The following ALS2 variants were observed in gnomAD, a reference collection of about 807,000 sequenced individuals.
ALS2 encodes alsin.
In ALS2, 117 loss-of-function variants were observed where a neutral mutation model predicts 203.4. The ratio of observed to expected loss-of-function variants is 0.58; its 90% CI spans 0.50 to 0.67. The LOEUF is 0.67. Ranked by LOEUF, ALS2 falls within the 30% of genes least tolerant of loss-of-function variation. The pLI is 0.00. For missense variants in ALS2, 1,715 were observed against 1,989.4 expected, an observed-to-expected ratio of 0.86 and a Z score of 2.62; for synonymous variants, 718 against 725.9, an observed-to-expected ratio of 0.99 and a Z score of 0.17.
chr2:201,727,559 A>G (rs574113798), intron 16 of ALS2, 146 bp downstream of exon 16: 10 of 745,766 alleles, frequency 1.3e-5, no homozygotes, highest in African/African-American at 1.2e-4. Flanking sequence ...AGACTACTTT[A>G]CTGTCTAATG....
intron 4 of ALS2, chr2:201,759,720 C>A (rs1305873512): frequency 1.0e-6 from 1 of 984,072 alleles, no homozygotes; most frequent in Admixed American, 6.2e-5. Flanking sequence ...AAGACTATTT[C>A]TAAAAATACC....
At chr2:201,738,444 C>T (rs1487389389) in intron 12 of ALS2, 18 of 542,326 alleles carry the variant, frequency 3.3e-5, no homozygotes, top group South Asian at 2.4e-4. Flanking sequence ...AGAAGGACCC[C>T]GAACCTGAGC....
In ALS2 at chr2:201,723,060, A is replaced by C; in HGVS notation, c.3685T>G (p.Trp1229Gly). Residue 1229 changes from tryptophan to glycine, a missense_variant, in exon 23 of 34, where the codon TGG becomes GGG. Coordinates refer to ENST00000264276, the MANE Select transcript of ALS2 (RefSeq NM_020919.4). ...TTTCCAACCTTTCCACTAAGAGTCCAGTCATCTGAAAATTCTCCTTCATAG... is the reference window on the plus strand; with the variant it reads ...TTTCCAACCTTTCCACTAAGAGTCCCGTCATCTGAAAATTCTCCTTCATAG... ...TIYEGEFSDD[W>G]TLSGKGTLTM... 1.2e-6 allele frequency: 2 copies of C among 1,612,508 alleles called. No individual in the cohort carries two copies. The highest frequency in any genetic ancestry group is 2.2e-5 in the South Asian group (2 of 90,824).
At chr2:201,759,615 G>A (rs1162359416) in intron 4 of ALS2, 1 of 984,504 alleles carries the variant, frequency 1.0e-6, no homozygotes, top group Non-Finnish European at 1.2e-6. Flanking sequence ...CTTTTGCTTT[G>A]TTCAGACTTT....
intron 20 of ALS2, among the ~76,000 whole-genome samples, chr2:201,724,782 T>G (rs1691043915): frequency 6.6e-6 from 1 of 152,166 alleles, no homozygotes; most frequent in Non-Finnish European, 1.5e-5. Context: ...TTATTATAGA[T>G]AAGACCATTT....
intron 3 of ALS2, among the ~76,000 whole-genome samples, chr2:201,762,066 T>C (rs769093723): frequency 6.6e-6 from 1 of 152,192 alleles, no homozygotes; most frequent in Non-Finnish European, 1.5e-5. Flanking sequence ...GGCTAATCCT[T>C]TCCTTCAGCC....
At chr2:201,725,152 T>C (rs1691078561) in intron 20 of ALS2, among the ~76,000 whole-genome samples, 1 of 151,802 alleles carries the variant, frequency 6.6e-6, no homozygotes, top group African/African-American at 2.4e-5. Flanking sequence ...CTAAATTTAA[T>C]AATCCAGTAT....
Position 201,726,492 on chromosome 2 carries a change from C to G in ALS2, c.3240G>C (p.Leu1080Phe). 6.2e-7 allele frequency: 1 copy of G among 1,613,978 alleles called. No homozygotes were observed. The highest frequency in any genetic ancestry group is 2.2e-5 in the East Asian group (1 of 44,884). The change falls in exon 19 of 34, where the codon TTG becomes TTC. Residue 1080 changes from leucine (L) to phenylalanine (F), a missense_variant. By Grantham distance (22) the Leu-to-Phe change is conservative. This residue lies in a region of ALS2 where 1,227 missense variants were observed against 1,413.5 expected (regional missense o/e 0.87). Coordinates refer to ENST00000264276, the MANE Select transcript of ALS2 (RefSeq NM_020919.4). ...KMYSGMFRNG[L>F]EDGYGEYRIP... ...TTACACAATTTTCTTACCCATCTTC[C>G]AAGCCATTCCTGAACATGCCAGAAT... is the stretch of plus-strand genomic sequence containing the variant.
chr2:201,730,614 C>T (rs1169552831), intron 13 of ALS2, among the ~76,000 whole-genome samples: 2 of 151,700 alleles, frequency 1.3e-5, no homozygotes, highest in Non-Finnish European at 2.9e-5. Context: ...GTTTATCTGT[C>T]AATTGTCCTT....
chr2:201,731,060 G>A (rs572664023), intron 13 of ALS2, among the ~76,000 whole-genome samples: 2 of 152,340 alleles, frequency 1.3e-5, no homozygotes, highest in East Asian at 1.9e-4. Flanking sequence ...TGGGATGGGT[G>A]TAACCGCTAC....
chr2:201,748,694 C>T (rs76520669), intron 8 of ALS2, among the ~76,000 whole-genome samples: 3,018 of 152,244 alleles, frequency 0.02, 40 homozygotes, highest in Non-Finnish European at 0.028. Flanking sequence ...CTTACTACTA[C>T]GATGTTTTAT....
chr2:201,705,045 T>C (rs1689618558), intron 31 of ALS2, 94 bp downstream of exon 31: 1 of 1,273,738 alleles, frequency 7.9e-7, no homozygotes, highest in Non-Finnish European at 1.1e-6. Context: ...TGGGGATGCT[T>C]AAGGCTTAGG....
intron 25 of ALS2, among the ~76,000 whole-genome samples, chr2:201,713,666 T>G (rs1427242908): frequency 6.6e-6 from 1 of 152,222 alleles, no homozygotes; most frequent in African/African-American, 2.4e-5. Context: ...ATTTGGCTCT[T>G]CTTTATATCT....
At chr2:201,757,014 C>G (rs574906319) in intron 5 of ALS2, among the ~76,000 whole-genome samples, 1 of 152,288 alleles carries the variant, frequency 6.6e-6, no homozygotes, top group East Asian at 1.9e-4. Context: ...ATTTTCTCTT[C>G]TTGAAGCTTA....
In ALS2 at chr2:201,753,038, G is replaced by A. The variant is rs557584206; in HGVS notation, c.1737+108C>T. 197 of 898,856 alleles carry A rather than the reference G, an allele frequency of 2.2e-4. 2 individuals carry two copies. The highest frequency in any genetic ancestry group is 2.0e-3 in the South Asian group (153 of 76,760). 55.7% of individuals were successfully genotyped at this position (898,856 alleles called of 1,614,324 possible). A position where few individuals can be genotyped will look rare whatever the true frequency, so the allele number is the denominator to read the frequency against. On this transcript the variant is annotated intron_variant, in intron 7 of 33. Transcript: ENST00000264276. ...ATATTGGAAAGCTAAAATGAGATAC[G>A]GTTATCATTGCCTGACATATAGCAG...
chr2:201,737,581 AATGAG>A (rs1691959570), intron 12 of ALS2, among the ~76,000 whole-genome samples: 3 of 152,224 alleles, frequency 2.0e-5, no homozygotes, highest in South Asian at 2.1e-4. Flanking sequence ...TAAAACTAGA[AATGAG>A]ATGAGAATGT....
intron 4 of ALS2, chr2:201,760,196 AG>A (rs1477022739): frequency 7.4e-5 from 43 of 584,702 alleles, no homozygotes; most frequent in Non-Finnish European, 9.0e-5. Context: ...GTATAGTCCC[AG>A]CTACTTGGAA....
chr2:201,742,004 C>T, intron 10 of ALS2, 150 bp from the exon 11 acceptor site: 3 of 722,282 alleles, frequency 4.2e-6, no homozygotes, highest in Admixed American at 4.4e-5. Flanking sequence ...AGTATTAAAG[C>T]AACCTCAAAG....
chr2:201,759,768 T>G lies in ALS2; in HGVS notation c.1113+1113A>C, dbSNP rs1433262994. 3 of 985,128 alleles carry G rather than the reference T, an allele frequency of 3.0e-6. No homozygotes were observed. In the East Asian group the frequency reaches 3.4e-4, roughly 112 times the overall value. The allele number at this position is 985,128 out of a possible 1,614,324, so 61.0% of individuals were successfully genotyped here. A position where few individuals can be genotyped will look rare whatever the true frequency, so the allele number is the denominator to read the frequency against. The stretch of plus-strand genomic sequence containing the variant: ...TTCTGACAGAGTAAACAATAAGAAT[T>G]GAGAATCAAGAGGCTATGTGGTTTC... On this transcript the variant is annotated intron_variant, in intron 4 of 33. Transcript: ENST00000264276.
Sources: gnomAD v4.1 joint callset for allele counts (sites outside exome capture counted in the v4.1 genomes callset) on GRCh38, gnomAD v4.1.1 for gene constraint, gnomAD v4.1.1 regional missense constraint, MANE v1.5 for transcripts, NCBI Gene and HGNC (gene_info 2026-07-23, HGNC 2026-07-21) for gene names.